The following MAP4K2 variants were observed in gnomAD, a reference collection of about 807,000 sequenced individuals.
MAP4K2 encodes mitogen-activated protein kinase kinase kinase kinase 2, also known as B lymphocyte serine/threonine protein kinase.
In MAP4K2, 85 loss-of-function variants were observed where a neutral mutation model predicts 125.3. That is an observed-to-expected ratio of 0.68 (90% CI 0.57 to 0.81). The LOEUF (loss-of-function observed/expected upper bound fraction) is 0.81. Ranked by LOEUF, MAP4K2 falls within the 40% of genes least tolerant of loss-of-function variation. The pLI, the probability that MAP4K2 is intolerant of heterozygous loss-of-function variation, is 0.00. For synonymous variants in MAP4K2, 479 were observed against 445.1 expected (o/e 1.08, Z -0.96); for missense variants, 923 against 1,056.4 (o/e 0.87, Z 1.75).
At chr11:64,790,901 C>T (rs970988333) in intron 27 of MAP4K2, among the ~76,000 whole-genome samples, 9 of 152,126 alleles carry the variant, frequency 5.9e-5, no homozygotes, top group East Asian at 1.9e-4. Context: ...TGTGGGAGGC[C>T]GAAGCGGGTG....
chr11:64,799,697 GAA>G lies in MAP4K2; in HGVS notation c.916-16_916-15del, dbSNP rs1331140171. The G allele has an allele frequency of 9.3e-6, 15 of 1,611,190 alleles. No homozygotes were observed. In the East Asian group the frequency reaches 3.3e-4, roughly 36 times the overall value. Reference sequence around the variant, plus strand: ...CATGTCATAGGTCTAAGGAAAAACAGAAACAGTGTGGACACACCTGGCACGCG... The same window carrying G: ...CATGTCATAGGTCTAAGGAAAAACAGACAGTGTGGACACACCTGGCACGCG... On this transcript the variant is annotated splice_polypyrimidine_tract_variant and intron_variant, in intron 12 of 31. Transcript: ENST00000294066.
Position 64,797,675 on chromosome 11 carries a change from G to A in MAP4K2, c.1098-11C>T. 1 of 1,529,996 alleles carries A rather than the reference G, an allele frequency of 6.5e-7. No homozygotes were observed. The highest frequency in any genetic ancestry group is 1.2e-5 in the South Asian group (1 of 80,212). The allele number at this position is 1,529,996 out of a possible 1,614,324, so 94.8% of individuals were successfully genotyped here. On this transcript the variant is annotated splice_polypyrimidine_tract_variant and intron_variant, in intron 15 of 31. Coordinates refer to ENST00000294066, the MANE Select transcript of MAP4K2 (RefSeq NM_004579.5). Reference sequence around the variant, plus strand: ...GACTGCAGCAGGCTCCTGGGCAGTGGGGAAAAGGGGTCAGAGGTCAACCTT... The same window carrying A: ...GACTGCAGCAGGCTCCTGGGCAGTGAGGAAAAGGGGTCAGAGGTCAACCTT...
chr11:64,792,495 G>T, intron 24 of MAP4K2, 73 bp from the exon 25 acceptor site: 1 of 1,284,496 alleles, frequency 7.8e-7, no homozygotes, highest in Non-Finnish European at 1.1e-6. Context: ...GCCCTATGAG[G>T]TGGGCACTAT....
rs1434598428 is a variant in MAP4K2, at chr11:64,788,948, AAGG to A, written c.*586_*588del. 1 of 157,452 alleles carries A rather than the reference AAGG, an allele frequency of 6.4e-6. No individual in the cohort carries two copies. Among genetic ancestry groups the A allele is most frequent in the African/African-American group, 2.4e-5 (1 of 41,448 alleles). 9.8% of individuals were successfully genotyped at this position (157,452 alleles called of 1,614,324 possible). ...GCAAAGCTGAGGGTCAGTTCTGAGCAAGGATGCAGGGGAAGGCACAGTGCCCCT... is the reference window on the plus strand; with the variant it reads ...GCAAAGCTGAGGGTCAGTTCTGAGCAATGCAGGGGAAGGCACAGTGCCCCT... On this transcript the variant is annotated 3_prime_UTR_variant, in exon 32 of 32. Transcript: ENST00000294066.
At position 64,790,273 on chromosome 11, in the gene MAP4K2, G is replaced by A. The variant is rs200063305; in HGVS notation, c.2163C>T (p.Arg721=). 12 of 1,614,148 alleles carry A rather than the reference G, an allele frequency of 7.4e-6. No individual in the cohort carries two copies. In the South Asian group the frequency reaches 1.2e-4, roughly 16 times the overall value. Residue 721 remains arginine (R), a splice_region_variant and synonymous_variant, in exon 29 of 32, where the codon CGC becomes CGT. Transcript: ENST00000294066. ...DRDTILVSFE[R]CVRIVNMQGE... is the part of the protein sequence containing the mutation. ...CCTGCATGTTGACAATCCTCACACA[G>A]CCTGCACAGGGAAGGAATTGGTGAG...
chr11:64,797,449 G>A (rs367746592), intron 17 of MAP4K2, 52 bp downstream of exon 17: 52 of 1,557,358 alleles, frequency 3.3e-5, no homozygotes, highest in Non-Finnish European at 4.3e-5. Flanking sequence ...CACTCCAATC[G>A]TACCCTCTGC....
At chr11:64,792,747 G>A (rs200873199) in intron 24 of MAP4K2, among the ~76,000 whole-genome samples, 2 of 151,996 alleles carry the variant, frequency 1.3e-5, no homozygotes, top group African/African-American at 2.4e-5. Flanking sequence ...GGATAATGGC[G>A]GGCCCCACCC....
At position 64,796,544 on chromosome 11, in the gene MAP4K2, G is replaced by T. The variant is rs1256529002; in HGVS notation, c.1582C>A (p.His528Asn). 6.2e-7 allele frequency: 1 copy of T among 1,613,972 alleles called. No individual in the cohort carries two copies. Among genetic ancestry groups the T allele is most frequent in the South Asian group, 1.1e-5 (1 of 91,090 alleles). The change falls in exon 23 of 32, where the codon CAT becomes AAT. Residue 528 changes from histidine to asparagine, a missense_variant. Coordinates refer to ENST00000294066, the MANE Select transcript of MAP4K2 (RefSeq NM_004579.5). ...HEDTLEKLIS[H>N]RCSWLYCVNN... ...ACGCAGTAGAGCCAGGAGCAGCGAT[G>T]TGAAATCAGCTGGAGGCCACAGAGG...
Position 64,800,100 on chromosome 11 carries a change from C to T in MAP4K2, c.915+9G>A. On this transcript the variant is annotated intron_variant, in intron 12 of 31. Coordinates refer to ENST00000294066, the MANE Select transcript of MAP4K2 (RefSeq NM_004579.5). ...GCCCAAGACTCACTTTCCAGCCCCC[C>T]TCACCTACCTCCAGCTCACAGTCCT... The T allele has an allele frequency of 6.3e-7, 1 of 1,589,370 alleles. No homozygotes were observed. Among genetic ancestry groups the T allele is most frequent in the Non-Finnish European group, 8.6e-7 (1 of 1,167,736 alleles).
rs773169513 is a variant in MAP4K2, at chr11:64,789,893, T to C, written c.2315A>G (p.Asn772Ser). The change falls in exon 30 of 32, where the codon AAT (asparagine) becomes AGT (serine). Residue 772 changes from asparagine (N) to serine (S), a missense_variant. This residue lies in a region of MAP4K2 where 90 missense variants were observed against 144.9 expected (regional missense o/e 0.62). Coordinates refer to ENST00000294066, the MANE Select transcript of MAP4K2 (RefSeq NM_004579.5). ...HGMQGRSLDT[N>S]EVTQEITDET... Reference sequence around the variant, plus strand: ...AGGTCCCTGGGCCCCACTCACCTCATTGGTATCCAGGCTTCGGCCTTGCAT... The same window carrying C: ...AGGTCCCTGGGCCCCACTCACCTCACTGGTATCCAGGCTTCGGCCTTGCAT... 3.3e-5 allele frequency: 53 copies of C among 1,613,876 alleles called. No individual in the cohort carries two copies. In the East Asian group the frequency reaches 3.6e-4, roughly 11 times the overall value.
At chr11:64,800,651 T>C (rs1941106456) in intron 10 of MAP4K2, 113 bp downstream of exon 10, 2 of 1,405,126 alleles carry the variant, frequency 1.4e-6, no homozygotes, top group Non-Finnish European at 1.9e-6. Flanking sequence ...TGGTCTGTAG[T>C]AGCCCAGAAA....
intron 27 of MAP4K2, among the ~76,000 whole-genome samples, chr11:64,791,626 C>T (rs894702558): frequency 6.6e-6 from 1 of 152,254 alleles, no homozygotes; most frequent in Non-Finnish European, 1.5e-5. Context: ...TCTCCTTGGC[C>T]TCCCAAAATG....
Position 64,802,103 on chromosome 11 carries a change from T to C in MAP4K2, c.329A>G (p.Glu110Gly). 6.2e-7 allele frequency: 1 copy of C among 1,612,978 alleles called. No homozygotes were observed. The highest frequency in any genetic ancestry group is 8.5e-7 in the Non-Finnish European group (1 of 1,179,928). Reference protein sequence around the residue: ...EIYHATGPLEERQIAYVCREA... With the variant: ...EIYHATGPLEGRQIAYVCREA... ...TCGGCAGACGTAGGCAATCTGCCGC[T>C]CCTCCAGGGGCCCAGTGGCTGAAAG... The change falls in exon 5 of 32, where the codon GAG (glutamate) becomes GGG (glycine). Residue 110 changes from glutamate to glycine, a missense_variant. Physicochemically the swap from Glu to Gly is moderately conservative, Grantham distance 98. Coordinates refer to ENST00000294066, the MANE Select transcript of MAP4K2 (RefSeq NM_004579.5).
Position 64,792,220 on chromosome 11 carries a change from C to T in MAP4K2, c.1866G>A (p.Leu622=), listed in dbSNP as rs752666094. 2.4e-5 allele frequency: 38 copies of T among 1,612,338 alleles called. No individual in the cohort carries two copies. The African/African-American group carries it at 4.3e-4, about 18-fold the overall frequency. ...TFLLAALPTS[L]LLLQWYEPLQ... is the part of the protein sequence containing the mutation. ...GCGGCTCATACCACTGCAGCAGGAG[C>T]AGGCTGGTGGGCAGGGCGGCCAGCA... Residue 622 remains leucine, a synonymous_variant, in exon 26 of 32, where the codon CTG becomes CTA. Transcript: ENST00000294066.
chr11:64,800,575 C>T (rs1001186513), intron 10 of MAP4K2, among the ~76,000 whole-genome samples, 183 bp from the exon 11 acceptor site: 6 of 152,260 alleles, frequency 3.9e-5, no homozygotes, highest in African/African-American at 1.4e-4. Context: ...TCCACCAACC[C>T]TCTGCCCTTC....
At chr11:64,791,859 G>T in intron 27 of MAP4K2, 50 bp downstream of exon 27, 1 of 1,457,686 alleles carries the variant, frequency 6.9e-7, no homozygotes, top group Non-Finnish European at 9.1e-7. Flanking sequence ...CCCTCCCTCG[G>T]TCTCTCATGC....
In MAP4K2 at chr11:64,801,109, A is replaced by G; in HGVS notation, c.530+2T>C. ...ACCCCTCCGCCCCAGGCGCAGCCTC[A>G]CCAGTAGGGAGTCCCAATGAAAGAC... On this transcript the variant is annotated splice_donor_variant, in intron 8 of 31. Coordinates refer to ENST00000294066, the MANE Select transcript of MAP4K2 (RefSeq NM_004579.5). LOFTEE classifies it high-confidence loss of function. The G allele has an allele frequency of 6.2e-7, 1 of 1,613,552 alleles. No homozygotes were observed. Among genetic ancestry groups the G allele is most frequent in the East Asian group, 2.2e-5 (1 of 44,886 alleles).
rs1465953614 is a variant in MAP4K2 at position 64,801,137 on chromosome 11, C to T, written c.504G>A (p.Arg168=). ...SGELTASVAK[R]RSFIGTPYWM... The stretch of plus-strand genomic sequence containing the variant: ...AGTAGGGAGTCCCAATGAAAGACCT[C>T]CTCTTGGCCACAGACGCTGTCAGCT... The change falls in exon 8 of 32, where the codon AGG becomes AGA. Residue 168 remains arginine (R), a synonymous_variant. Transcript: ENST00000294066. The T allele has an allele frequency of 6.2e-7, 1 of 1,613,582 alleles. No homozygotes were observed. Among genetic ancestry groups the T allele is most frequent in the South Asian group, 1.1e-5 (1 of 91,088 alleles).
chr11:64,799,682 G>C lies in MAP4K2; in HGVS notation c.917C>G (p.Thr306Ser). The change falls in exon 13 of 32, where the codon ACC becomes AGC. Residue 306 changes from threonine (T) to serine (S), a missense_variant and splice_region_variant. By Grantham distance (58) the Thr-to-Ser change is moderately conservative. Coordinates refer to ENST00000294066, the MANE Select transcript of MAP4K2 (RefSeq NM_004579.5). ...TPSPEDCELE[T>S]YDMFPDTIHS... Reference sequence around the variant, plus strand: ...AATGGTGTCTGGAAACATGTCATAGGTCTAAGGAAAAACAGAAACAGTGTG... The same window carrying C: ...AATGGTGTCTGGAAACATGTCATAGCTCTAAGGAAAAACAGAAACAGTGTG... 2 of 1,613,604 alleles carry C rather than the reference G, an allele frequency of 1.2e-6. No homozygotes were observed. Among genetic ancestry groups the C allele is most frequent in the South Asian group, 1.1e-5 (1 of 91,064 alleles).
Sources: gnomAD v4.1 joint callset for allele counts (sites outside exome capture counted in the v4.1 genomes callset) on GRCh38, gnomAD v4.1.1 for gene constraint, gnomAD v4.1.1 regional missense constraint, MANE v1.5 for transcripts, NCBI Gene and HGNC (gene_info 2026-07-23, HGNC 2026-07-21) for gene names.